OPHN1: variants seen among roughly 807,000 people sequenced by gnomAD.
OPHN1 encodes oligophrenin 1.
Under a neutral mutation model 60.7 loss-of-function variants are expected in OPHN1, and 11 were observed. The ratio of observed to expected loss-of-function variants is 0.18; its 90% CI spans 0.11 to 0.30. The LOEUF is 0.30. Among genes scored for constraint, OPHN1 ranks in the 10% least tolerant of loss-of-function variants. The pLI, the probability that OPHN1 is intolerant of heterozygous loss-of-function variation, is 1.00. For synonymous variants in OPHN1, 226 were observed against 222.6 expected (o/e 1.02, Z -0.14); for missense variants, 449 against 611.0 (o/e 0.73, Z 2.80).
At chrX:68,133,522 C>A in intron 15 of OPHN1, 1 of 454,765 alleles carries the variant, frequency 2.2e-6, no homozygotes, top group Non-Finnish European at 4.2e-6. Flanking sequence ...TTTGACAACA[C>A]ATTTCAGCTT....
At chrX:68,111,061 G>A (rs1394560661) in intron 18 of OPHN1, among the ~76,000 whole-genome samples, 1 of 112,013 alleles carries the variant, frequency 8.9e-6, no homozygotes, top group Non-Finnish European at 1.9e-5. Flanking sequence ...TGAGTATGCA[G>A]ACAACTGCAC....
At chrX:68,117,334 T>C (rs2077131575) in intron 16 of OPHN1, among the ~76,000 whole-genome samples, 1 of 111,912 alleles carries the variant, frequency 8.9e-6, no homozygotes, top group Non-Finnish European at 1.9e-5. Context: ...ATGGGTGACG[T>C]CTTCCTATTA....
chrX:68,433,367 G>A lies in OPHN1; in HGVS notation c.-204C>T, dbSNP rs1247614841. On this transcript the variant is annotated 5_prime_UTR_variant, in exon 1 of 25. Coordinates refer to ENST00000355520, the MANE Select transcript of OPHN1 (RefSeq NM_002547.3). ...CAGCCCGACTTGCCTCCGGAGACGG[G>A]CCGGATCCTTCCTGAGCAATTGCAA... 6.6e-6 allele frequency: 2 copies of A among 300,873 alleles called. No homozygotes were observed. Among genetic ancestry groups the A allele is most frequent in the Non-Finnish European group, 1.2e-5 (2 of 173,272 alleles). The allele number at this position is 300,873 out of a possible 1,213,427, so 24.8% of individuals were successfully genotyped here.
chrX:68,433,515 C>T (rs2078896717), upstream of OPHN1: 1 of 287,763 alleles, frequency 3.5e-6, no homozygotes, highest in East Asian at 4.9e-5. Context: ...CCGCGGGCAA[C>T]CCGGATTGCA....
At chrX:68,384,515 T>C (rs1332094309) in intron 2 of OPHN1, among the ~76,000 whole-genome samples, 3 of 111,186 alleles carry the variant, frequency 2.7e-5, no homozygotes, top group Non-Finnish European at 5.7e-5. Flanking sequence ...AGGTCAGGAG[T>C]TCGAGACCAG....
At chrX:68,234,314 G>C (rs2077742589) in intron 6 of OPHN1, among the ~76,000 whole-genome samples, 173 bp downstream of exon 6, 1 of 111,231 alleles carries the variant, frequency 9.0e-6, no homozygotes, top group Non-Finnish European at 1.9e-5. Flanking sequence ...TGGAAGAGCT[G>C]GCTTAGTATT....
At chrX:68,354,452 C>CAA (rs1172935913) in intron 2 of OPHN1, among the ~76,000 whole-genome samples, 60 of 24,669 alleles carry the variant, frequency 2.4e-3, no homozygotes, top group Non-Finnish European at 2.8e-3. Context: ...GACTCCATCT[C>CAA]AAAAAAAAAA....
chrX:68,168,039 C>T (rs2077368264), intron 15 of OPHN1, among the ~76,000 whole-genome samples: 1 of 110,575 alleles, frequency 9.0e-6, no homozygotes, highest in Admixed American at 9.7e-5. Flanking sequence ...CAACTGAAAT[C>T]ATGGACATAA....
In OPHN1 at chrX:68,388,741, G is replaced by A. The variant is rs191784196; in HGVS notation, c.154+44126C>T. 1.7e-3 allele frequency among the ~76,000 whole-genome samples: 190 copies of A among 111,175 alleles called. 1 individual carries two copies. The highest frequency in any genetic ancestry group is 1.6e-3 in the Non-Finnish European group (87 of 53,073). On this transcript the variant is annotated intron_variant, in intron 2 of 24. Coordinates refer to ENST00000355520, the MANE Select transcript of OPHN1 (RefSeq NM_002547.3). ...TGGAAGGAACTAGGTGAGGGGCATAGATATAACAGATTGAAGCTGGGTATG... is the reference window on the plus strand; with the variant it reads ...TGGAAGGAACTAGGTGAGGGGCATAAATATAACAGATTGAAGCTGGGTATG...
chrX:68,137,286 T>C (rs753818761), intron 15 of OPHN1, among the ~76,000 whole-genome samples: 1 of 111,763 alleles, frequency 8.9e-6, no homozygotes, highest in African/African-American at 3.2e-5. Flanking sequence ...TAGTCAACAA[T>C]ATGGGGACCT....
intron 6 of OPHN1, among the ~76,000 whole-genome samples, chrX:68,218,708 A>C (rs1399593726): frequency 8.1e-5 from 8 of 99,116 alleles, no homozygotes; most frequent in Admixed American, 2.2e-4. Context: ...GAAATAAAAT[A>C]CTTTACAGAC....
intron 18 of OPHN1, among the ~76,000 whole-genome samples, 194 bp downstream of exon 18, chrX:68,111,660 T>A (rs764372771): frequency 9.0e-6 from 1 of 111,476 alleles, no homozygotes; most frequent in East Asian, 2.8e-4. Flanking sequence ...ACTGAGACAA[T>A]CCACATGCAT....
intron 2 of OPHN1, among the ~76,000 whole-genome samples, chrX:68,357,909 A>G (rs1186393337): frequency 1.8e-5 from 2 of 110,040 alleles, no homozygotes; most frequent in African/African-American, 6.6e-5. Flanking sequence ...TTTAAAGGCC[A>G]AAATAGGCCA....
rs1194920405 is a variant in OPHN1, at chrX:68,042,523, C to T, written c.*4649G>A. Reference sequence around the variant, plus strand: ...CAGGAAAATGAAGGCTTTTCTTTATCGAAAACTTATCTTTAAGGTATCTTG... The same window carrying T: ...CAGGAAAATGAAGGCTTTTCTTTATTGAAAACTTATCTTTAAGGTATCTTG... On this transcript the variant is annotated 3_prime_UTR_variant, in exon 25 of 25. Coordinates refer to ENST00000355520, the MANE Select transcript of OPHN1 (RefSeq NM_002547.3). The T allele has an allele frequency of 4.5e-5, 5 of 111,087 alleles. No individual in the cohort carries two copies. The highest frequency in any genetic ancestry group is 1.3e-4 in the African/African-American group (4 of 30,502). The allele number at this position is 111,087 out of a possible 1,213,427, so 9.2% of individuals were successfully genotyped here.
chrX:68,415,580 C>T (rs1379005247), intron 2 of OPHN1, among the ~76,000 whole-genome samples: 2 of 111,951 alleles, frequency 1.8e-5, no homozygotes, highest in South Asian at 7.4e-4. Flanking sequence ...TAATAAAGAA[C>T]TTCCCAACTG....
intron 12 of OPHN1, among the ~76,000 whole-genome samples, chrX:68,194,992 G>A (rs865826619): frequency 0.02 from 1,596 of 78,414 alleles, 74 homozygotes; most frequent in African/African-American, 0.088. Context: ...AAGAAAGAGA[G>A]AGAGAGAAAG....
At chrX:68,149,885 G>A (rs2077278410) in intron 15 of OPHN1, among the ~76,000 whole-genome samples, 1 of 111,278 alleles carries the variant, frequency 9.0e-6, no homozygotes, top group Non-Finnish European at 1.9e-5. Flanking sequence ...AGAACTAAAA[G>A]GCGGAAACAG....
intron 2 of OPHN1, among the ~76,000 whole-genome samples, chrX:68,411,311 T>C (rs1321066411): frequency 7.1e-5 from 8 of 112,168 alleles, no homozygotes; most frequent in Non-Finnish European, 1.1e-4. Context: ...AATAATGGGA[T>C]TGTTGGGTCG....
At chrX:68,158,061 G>A (rs1266896833) in intron 15 of OPHN1, among the ~76,000 whole-genome samples, 2 of 111,849 alleles carry the variant, frequency 1.8e-5, no homozygotes, top group African/African-American at 6.5e-5. Context: ...CCATTCTCCT[G>A]CCTCAGCCTC....
Sources: gnomAD v4.1 joint callset for allele counts (sites outside exome capture counted in the v4.1 genomes callset) on GRCh38, gnomAD v4.1.1 for gene constraint, MANE v1.5 for transcripts, NCBI Gene and HGNC (gene_info 2026-07-23, HGNC 2026-07-21) for gene names.